PRKG1: variants seen among roughly 807,000 people sequenced by gnomAD.
The protein encoded by PRKG1 is cGMP-dependent protein kinase 1.
A neutral mutation model predicts 88.1 loss-of-function variants in PRKG1; 35 were observed. The ratio of observed to expected loss-of-function variants is 0.40; its 90% CI spans 0.30 to 0.53. PRKG1 has a LOEUF of 0.53. Ranked by LOEUF, PRKG1 falls within the 20% of genes least tolerant of loss-of-function variation. The probability of loss-of-function intolerance (pLI) is 0.59; values close to 1 mark genes in which losing one functional copy is unlikely to be tolerated. For synonymous variants in PRKG1, 303 were observed against 292.5 expected, an observed-to-expected ratio of 1.04 and a Z score of -0.37; for missense variants, 540 against 839.8, an observed-to-expected ratio of 0.64 and a Z score of 4.41.
intron 3 of PRKG1, among the ~76,000 whole-genome samples, chr10:51,751,985 A>G (rs141949952): frequency 6.6e-6 from 1 of 152,280 alleles, no homozygotes; most frequent in Admixed American, 6.5e-5. Context: ...GCTGGTGACT[A>G]TTTTTCAACT....
chr10:51,016,662 T>C (rs758822899), intron 1 of PRKG1, among the ~76,000 whole-genome samples: 18 of 138,642 alleles, frequency 1.3e-4, no homozygotes, highest in Non-Finnish European at 1.8e-4. Context: ...AAGAAGGTAT[T>C]ATTATCCTTT....
chr10:51,427,797 A>C (rs936796352), intron 2 of PRKG1, among the ~76,000 whole-genome samples: 1 of 152,170 alleles, frequency 6.6e-6, no homozygotes, highest in African/African-American at 2.4e-5. Context: ...ATTCACATTA[A>C]ATTTTGAGGA....
At chr10:51,898,172 T>G (rs1445740689) in intron 4 of PRKG1, among the ~76,000 whole-genome samples, 1 of 152,104 alleles carries the variant, frequency 6.6e-6, no homozygotes, top group Non-Finnish European at 1.5e-5. Context: ...TCCCTCACCT[T>G]TCTCAGGTTT....
chr10:51,454,473 C>G (rs1839524623), intron 2 of PRKG1, among the ~76,000 whole-genome samples: 1 of 152,120 alleles, frequency 6.6e-6, no homozygotes. Flanking sequence ...TTTGACAAAG[C>G]AAACAAAAAC....
chr10:51,963,970 G>A lies in PRKG1; in HGVS notation c.762+56400G>A, dbSNP rs554728757. On this transcript the variant is annotated intron_variant, in intron 5 of 17. Coordinates refer to ENST00000373980, the MANE Select transcript of PRKG1 (RefSeq NM_006258.4). ...GTCCTGGAGATCAAAAGTCTGAAAC[G>A]AATCTAACAGATTAAAATCAAAGTG... 3.9e-5 allele frequency among the ~76,000 whole-genome samples: 6 copies of A among 152,196 alleles called. 1 individual carries two copies. The highest frequency in any genetic ancestry group is 1.4e-4 in the African/African-American group (6 of 41,524).
At chr10:51,942,394 T>C (rs1324568716) in intron 5 of PRKG1, among the ~76,000 whole-genome samples, 1 of 151,022 alleles carries the variant, frequency 6.6e-6, no homozygotes, top group Non-Finnish European at 1.5e-5. Context: ...TTCTCCCATT[T>C]TGTAGGTTGC....
chr10:51,631,612 A>G (rs777619784), intron 3 of PRKG1, among the ~76,000 whole-genome samples: 2 of 152,056 alleles, frequency 1.3e-5, no homozygotes, highest in Non-Finnish European at 2.9e-5. Flanking sequence ...ATTTGAAGCC[A>G]CTCCCCTCAG....
intron 1 of PRKG1, among the ~76,000 whole-genome samples, chr10:51,085,304 T>C (rs1405681707): frequency 6.6e-6 from 1 of 152,144 alleles, no homozygotes; most frequent in Non-Finnish European, 1.5e-5. Context: ...TTAGATTAGA[T>C]TTGTGCTGGT....
intron 3 of PRKG1, among the ~76,000 whole-genome samples, chr10:51,523,749 A>G (rs1841798362): frequency 6.6e-6 from 1 of 152,224 alleles, no homozygotes; most frequent in Non-Finnish European, 1.5e-5. Flanking sequence ...TCTGAGATGC[A>G]TGTTATTAGC....
chr10:52,015,930 G>A (rs1031333875), intron 5 of PRKG1, among the ~76,000 whole-genome samples: 1 of 152,158 alleles, frequency 6.6e-6, no homozygotes, highest in African/African-American at 2.4e-5. Flanking sequence ...ATCTCCATCT[G>A]AGACCACCTC....
At chr10:51,090,206 G>T (rs1343562762) in intron 1 of PRKG1, among the ~76,000 whole-genome samples, 1 of 152,140 alleles carries the variant, frequency 6.6e-6, no homozygotes, top group Non-Finnish European at 1.5e-5. Flanking sequence ...TGCTGTTGAG[G>T]TTCTCATTAC....
At chr10:51,438,896 C>T (rs1839012790) in intron 2 of PRKG1, among the ~76,000 whole-genome samples, 2 of 151,770 alleles carry the variant, frequency 1.3e-5, no homozygotes, top group East Asian at 1.9e-4. Context: ...TTACAGATTA[C>T]ATGGTGGACT....
rs1431865554 is a variant in PRKG1 at position 51,219,868 on chromosome 10, C to A, written c.478+66538C>A. Among the ~76,000 whole-genome samples the A allele has an allele frequency of 2.0e-5, 3 of 152,004 alleles. No individual in the cohort carries two copies. In the East Asian group the frequency reaches 5.8e-4, roughly 29 times the overall value. On this transcript the variant is annotated intron_variant, in intron 2 of 17. Coordinates refer to ENST00000373980, the MANE Select transcript of PRKG1 (RefSeq NM_006258.4). ...ATTTGAGTTAGATTTCTGTGATAGG[C>A]AGAATTTCTAGGAATGACCCCCAAG...
chr10:51,198,841 C>T (rs1277629249), intron 2 of PRKG1, among the ~76,000 whole-genome samples: 1 of 152,152 alleles, frequency 6.6e-6, no homozygotes, highest in Non-Finnish European at 1.5e-5. Context: ...ATGTTGAAAC[C>T]CCTAAGTAAG....
At chr10:52,073,526 C>G (rs1846556268) in intron 7 of PRKG1, among the ~76,000 whole-genome samples, 1 of 152,090 alleles carries the variant, frequency 6.6e-6, no homozygotes, top group African/African-American at 2.4e-5. Context: ...CCTCATCATC[C>G]CCATGATTTA....
At chr10:51,439,958 T>C (rs1839053542) in intron 2 of PRKG1, among the ~76,000 whole-genome samples, 2 of 151,914 alleles carry the variant, frequency 1.3e-5, no homozygotes. Flanking sequence ...AGATTTGAGT[T>C]CCACAACAAT....
At chr10:51,382,838 C>T (rs1837144970) in intron 2 of PRKG1, among the ~76,000 whole-genome samples, 2 of 152,150 alleles carry the variant, frequency 1.3e-5, no homozygotes, top group South Asian at 4.1e-4. Flanking sequence ...CAAAAGTTAG[C>T]TGCCAGTGGG....
At chr10:51,102,919 C>A (rs922351024) in intron 1 of PRKG1, among the ~76,000 whole-genome samples, 1 of 151,916 alleles carries the variant, frequency 6.6e-6, no homozygotes, top group Non-Finnish European at 1.5e-5. Flanking sequence ...TTAAAGCAAT[C>A]ATCTACCATA....
At chr10:51,216,710 T>C (rs112807429) in intron 2 of PRKG1, among the ~76,000 whole-genome samples, 3,310 of 152,306 alleles carry the variant, frequency 0.022, 47 homozygotes, top group Middle Eastern at 0.051. Context: ...ATAAATAAGA[T>C]GTTTGAACTA....
Sources: gnomAD v4.1 joint callset for allele counts (sites outside exome capture counted in the v4.1 genomes callset) on GRCh38, gnomAD v4.1.1 for gene constraint, MANE v1.5 for transcripts, NCBI Gene and HGNC (gene_info 2026-07-23, HGNC 2026-07-21) for gene names.